Variants in MRPS9 observed in about 807,000 individuals in gnomAD.
The protein encoded by MRPS9 is mitochondrial ribosomal protein S9.
In MRPS9, 45 loss-of-function variants were observed where a neutral mutation model predicts 59.9. That is an observed-to-expected ratio of 0.75 (90% CI 0.59 to 0.96). MRPS9 has a LOEUF of 0.96. Among genes scored for constraint, MRPS9 ranks in the 40% least tolerant of loss-of-function variants. The pLI is 0.00. For missense variants in MRPS9, 473 were observed against 481.1 expected, an observed-to-expected ratio of 0.98 and a Z score of 0.16; for synonymous variants, 171 against 166.8, an observed-to-expected ratio of 1.03 and a Z score of -0.19.
intron 4 of MRPS9, among the ~76,000 whole-genome samples, chr2:105,072,587 A>G (rs1201204759): frequency 6.6e-6 from 1 of 152,228 alleles, no homozygotes; most frequent in Non-Finnish European, 1.5e-5. Context: ...ACTATTAGTA[A>G]GCATGAAACT....
At chr2:105,097,419 T>C (rs57214748) in intron 10 of MRPS9, 95 bp downstream of exon 10, 249,088 of 1,113,342 alleles carry the variant, frequency 0.22, 28,275 homozygotes, top group Middle Eastern at 0.29. Context: ...TAAGAAAATA[T>C]ATAGTTACAT....
rs529136447 is a variant in MRPS9, at chr2:105,065,127, G to T, written c.316-6186G>T. 4.6e-5 allele frequency among the ~76,000 whole-genome samples: 7 copies of T among 152,254 alleles called. No individual in the cohort carries two copies. The South Asian group carries it at 1.2e-3, about 27-fold the overall frequency. On this transcript the variant is annotated intron_variant, in intron 2 of 10. Coordinates refer to ENST00000258455, the MANE Select transcript of MRPS9 (RefSeq NM_182640.3). ...AGCAGAGTGCCTAGAACTCAGGTGG[G>T]ATAAATATTTGTTGAGTAAAATGTA...
chr2:105,087,183 GT>G (rs1680464939), intron 5 of MRPS9, among the ~76,000 whole-genome samples: 1 of 151,888 alleles, frequency 6.6e-6, no homozygotes, highest in Non-Finnish European at 1.5e-5. Context: ...TATGTGGATG[GT>G]TTGTGGTTTT....
chr2:105,038,219 A>G lies in MRPS9; in HGVS notation c.127A>G (p.Arg43Gly). 6.2e-7 allele frequency: 1 copy of G among 1,611,606 alleles called. No homozygotes were observed. Among genetic ancestry groups the G allele is most frequent in the Non-Finnish European group, 8.5e-7 (1 of 1,178,892 alleles). Reference protein sequence around the residue: ...TAAPELQTNVRSQILRLRHTA... With the variant: ...TAAPELQTNVGSQILRLRHTA... Reference sequence around the variant, plus strand: ...GGCCCCTGAGTTGCAAACAAATGTCAGATCCCAGGTAAGGCCTGGGAAGAC... The same window carrying G: ...GGCCCCTGAGTTGCAAACAAATGTCGGATCCCAGGTAAGGCCTGGGAAGAC... The change falls in exon 1 of 11, where the codon AGA becomes GGA. Residue 43 changes from arginine (R) to glycine (G), a missense_variant. Arg to Gly is a moderately radical substitution (Grantham distance 125). Coordinates refer to ENST00000258455, the MANE Select transcript of MRPS9 (RefSeq NM_182640.3).
chr2:105,057,388 T>A (rs1679813906), intron 2 of MRPS9, among the ~76,000 whole-genome samples: 2 of 151,838 alleles, frequency 1.3e-5, no homozygotes, highest in South Asian at 2.1e-4. Flanking sequence ...TGTGTAAAAA[T>A]TTTTTTTTGG....
At chr2:105,074,880 G>A (rs970633949) in intron 4 of MRPS9, among the ~76,000 whole-genome samples, 6 of 152,154 alleles carry the variant, frequency 3.9e-5, no homozygotes, top group African/African-American at 1.4e-4. Flanking sequence ...CACGGACCAG[G>A]GGTTGGGGGA....
At chr2:105,095,821 T>A (rs890543521) in intron 9 of MRPS9, among the ~76,000 whole-genome samples, 1 of 151,908 alleles carries the variant, frequency 6.6e-6, no homozygotes, top group African/African-American at 2.4e-5. Flanking sequence ...TATTTACTTT[T>A]TTTTTTTAAG....
chr2:105,084,561 TC>T (rs1022724486), intron 5 of MRPS9, among the ~76,000 whole-genome samples: 2 of 152,178 alleles, frequency 1.3e-5, no homozygotes, highest in African/African-American at 2.4e-5. Context: ...TGTGTCTAGA[TC>T]CTCTTTGTGA....
Position 105,089,038 on chromosome 2 carries a change from A to C in MRPS9, c.544A>C (p.Lys182Gln). ...AAAACATCAAAGTCACTTGCAAGCC[A>C]AAAGTCTGCTCCCAGAAAAAACTGT... Reference protein sequence around the residue: ...LEKHQSHLQAKSLLPEKTVTR... With the variant: ...LEKHQSHLQAQSLLPEKTVTR... The change falls in exon 6 of 11, where the codon AAA becomes CAA. Residue 182 changes from lysine to glutamine, a missense_variant. Lys to Gln is a moderately conservative substitution (Grantham distance 53, BLOSUM62 1). Coordinates refer to ENST00000258455, the MANE Select transcript of MRPS9 (RefSeq NM_182640.3). 6.2e-7 allele frequency: 1 copy of C among 1,611,530 alleles called. No homozygotes were observed. The highest frequency in any genetic ancestry group is 8.5e-7 in the Non-Finnish European group (1 of 1,178,422).
intron 6 of MRPS9, among the ~76,000 whole-genome samples, chr2:105,089,291 A>AT (rs1430911551): frequency 6.6e-6 from 1 of 152,202 alleles, no homozygotes; most frequent in Non-Finnish European, 1.5e-5. Context: ...GTGATAGAAT[A>AT]TTTAATTACT....
At chr2:105,083,555 A>G (rs1232788249) in intron 5 of MRPS9, among the ~76,000 whole-genome samples, 1 of 152,258 alleles carries the variant, frequency 6.6e-6, no homozygotes, top group Non-Finnish European at 1.5e-5. Flanking sequence ...AAAATCCTTT[A>G]AAACTCATAA....
At chr2:105,058,946 G>A (rs1679845165) in intron 2 of MRPS9, among the ~76,000 whole-genome samples, 1 of 152,020 alleles carries the variant, frequency 6.6e-6, no homozygotes, top group Non-Finnish European at 1.5e-5. Context: ...CCAAAGTGCT[G>A]GGATTACAGG....
Position 105,071,321 on chromosome 2 carries a change from T to C in MRPS9, c.324T>C (p.Ile108=). The C allele has an allele frequency of 2.5e-6, 4 of 1,610,128 alleles. No individual in the cohort carries two copies. The highest frequency in any genetic ancestry group is 3.4e-6 in the Non-Finnish European group (4 of 1,178,834). Residue 108 remains isoleucine, a synonymous_variant, in exon 3 of 11, where the codon ATT becomes ATC. Coordinates refer to ENST00000258455, the MANE Select transcript of MRPS9 (RefSeq NM_182640.3). ...TFTQEDIDRA[I]AYLFPSGLFE... ...TTTGTGTATATTTTCAGAGAGCTAT[T>C]GCTTACCTTTTCCCAAGTGGTTTGT... is the stretch of plus-strand genomic sequence containing the variant.
At chr2:105,052,807 C>T (rs573172248) in intron 2 of MRPS9, among the ~76,000 whole-genome samples, 1 of 152,158 alleles carries the variant, frequency 6.6e-6, no homozygotes, top group South Asian at 2.1e-4. Context: ...TAAAATGGTC[C>T]TACCTCCTTG....
intron 3 of MRPS9, 30 bp downstream of exon 3, chr2:105,071,405 T>G (rs766639545): frequency 1.3e-6 from 2 of 1,592,188 alleles, no homozygotes; most frequent in South Asian, 2.3e-5. Flanking sequence ...TTTTAAAAAT[T>G]TCACTTTTAT....
chr2:105,083,386 G>A (rs945718229), intron 5 of MRPS9, among the ~76,000 whole-genome samples: 6 of 152,154 alleles, frequency 3.9e-5, no homozygotes, highest in African/African-American at 7.2e-5. Flanking sequence ...CAGCAGCTTG[G>A]GCCTGTCCAG....
rs117121199 is a variant in MRPS9, at chr2:105,097,343, C to T, written c.1099+19C>T. The T allele has an allele frequency of 1.3e-3, 2,074 of 1,562,502 alleles. 53 individuals are homozygous for T. In the East Asian group the frequency reaches 0.041, roughly 31 times the overall value. On this transcript the variant is annotated intron_variant, in intron 10 of 10. Coordinates refer to ENST00000258455, the MANE Select transcript of MRPS9 (RefSeq NM_182640.3). Reference sequence around the variant, plus strand: ...AGACAAGGTATGAGTCTAGGTGGGACGGGCATGGTGGCCCAATACTGGCTA... The same window carrying T: ...AGACAAGGTATGAGTCTAGGTGGGATGGGCATGGTGGCCCAATACTGGCTA...
chr2:105,056,443 T>G (rs1377727756), intron 2 of MRPS9, among the ~76,000 whole-genome samples: 1 of 152,136 alleles, frequency 6.6e-6, no homozygotes, highest in African/African-American at 2.4e-5. Flanking sequence ...GTATTACTGA[T>G]TCTTGTCATC....
chr2:105,040,329 T>A lies in MRPS9; in HGVS notation c.135+2102T>A, dbSNP rs184551482. On this transcript the variant is annotated intron_variant, in intron 1 of 10. Coordinates refer to ENST00000258455, the MANE Select transcript of MRPS9 (RefSeq NM_182640.3). ...AAAACACTATACCTGGTCTTTTGTTTGTTCCACTTTTAATTTCCTTAATTA... is the reference window on the plus strand; with the variant it reads ...AAAACACTATACCTGGTCTTTTGTTAGTTCCACTTTTAATTTCCTTAATTA... Among the ~76,000 whole-genome samples the A allele has an allele frequency of 6.0e-4, 91 of 152,344 alleles. No individual in the cohort carries two copies. The East Asian group carries it at 0.016, about 27-fold the overall frequency.
Sources: gnomAD v4.1 joint callset for allele counts (sites outside exome capture counted in the v4.1 genomes callset) on GRCh38, gnomAD v4.1.1 for gene constraint, MANE v1.5 for transcripts, NCBI Gene and HGNC (gene_info 2026-07-23, HGNC 2026-07-21) for gene names.